Variants in DCHS2 observed in about 807,000 individuals in gnomAD.
DCHS2 encodes the protein protocadherin-23.
Under a neutral mutation model 182.4 loss-of-function variants are expected in DCHS2, and 142 were observed. The ratio of observed to expected loss-of-function variants is 0.78; its 90% confidence interval spans 0.68 to 0.89. DCHS2 has a LOEUF of 0.89. Among genes scored for constraint, DCHS2 ranks in the 40% least tolerant of loss-of-function variants. DCHS2 has a pLI of 0.00. For missense variants in DCHS2, 4,319 were observed against 4,198.6 expected, an observed-to-expected ratio of 1.03 and a Z score of -0.79; for synonymous variants, 1,740 against 1,663.3, an observed-to-expected ratio of 1.05 and a Z score of -1.12.
intron 2 of DCHS2, among the ~76,000 whole-genome samples, chr4:154,374,939 C>T (rs1470874846): frequency 6.6e-6 from 1 of 152,056 alleles, no homozygotes; most frequent in African/African-American, 2.4e-5. Flanking sequence ...AAATTGAACA[C>T]GTTGTTTCTA....
At chr4:154,267,332 A>G (rs554097100) in intron 14 of DCHS2, among the ~76,000 whole-genome samples, 4 of 152,196 alleles carry the variant, frequency 2.6e-5, no homozygotes, top group Non-Finnish European at 2.9e-5. Flanking sequence ...TTTGGAGGTA[A>G]AAATACAACC....
At chr4:154,471,613 G>A (rs564901146) in intron 1 of DCHS2, among the ~76,000 whole-genome samples, 1 of 152,022 alleles carries the variant, frequency 6.6e-6, no homozygotes, top group African/African-American at 2.4e-5. Flanking sequence ...AGACACATAT[G>A]CACAATCCTA....
chr4:154,258,367 C>CTTTTTTTTTTTTTTTTT (rs771510956), intron 15 of DCHS2, among the ~76,000 whole-genome samples: 3 of 58,850 alleles, frequency 5.1e-5, no homozygotes, highest in Non-Finnish European at 8.6e-5. Flanking sequence ...AAAAGAAAGG[C>CTTTTTTTTTTTTTTTTT]TTTTTTTTTT....
intron 1 of DCHS2, among the ~76,000 whole-genome samples, chr4:154,408,319 T>C (rs1732482539): frequency 6.6e-6 from 1 of 152,182 alleles, no homozygotes; most frequent in East Asian, 1.9e-4. Flanking sequence ...CAGAGCTATA[T>C]TTAATGAGCA....
At chr4:154,281,226 A>C (rs1734130368) in intron 13 of DCHS2, among the ~76,000 whole-genome samples, 1 of 152,180 alleles carries the variant, frequency 6.6e-6, no homozygotes, top group Non-Finnish European at 1.5e-5. Flanking sequence ...ATGCATGCAA[A>C]CTAAAAAGAA....
intron 1 of DCHS2, among the ~76,000 whole-genome samples, chr4:154,472,710 A>G (rs139111343): frequency 3.3e-5 from 5 of 152,236 alleles, no homozygotes; most frequent in African/African-American, 1.2e-4. Flanking sequence ...TTGGATATGA[A>G]AACCCATATT....
chr4:154,373,093 T>A (rs927701481), intron 2 of DCHS2, among the ~76,000 whole-genome samples: 27 of 152,184 alleles, frequency 1.8e-4, no homozygotes, highest in Admixed American at 1.2e-3. Flanking sequence ...CAAGGTTCAG[T>A]TTATTGGTTT....
intron 19 of DCHS2, chr4:154,237,362 C>T (rs1217826921): frequency 2.9e-6 from 2 of 692,316 alleles, no homozygotes; most frequent in Non-Finnish European, 4.2e-6. Context: ...AAATAATATT[C>T]ATGACATTCA....
At position 154,335,123 on chromosome 4, in the gene DCHS2, A is replaced by G; in HGVS notation, c.2477-19T>C. ...ATAATTCCTGGGTAGGGAAAAGAAA[A>G]CATTGGTAAACAGATAACATGTAAT... On this transcript the variant is annotated intron_variant, in intron 3 of 19. Coordinates refer to ENST00000357232, the MANE Select transcript of DCHS2 (RefSeq NM_001358235.2). The G allele has an allele frequency of 7.0e-7, 1 of 1,430,780 alleles. No homozygotes were observed. The highest frequency in any genetic ancestry group is 1.1e-5 in the South Asian group (1 of 87,290). 88.6% of individuals were successfully genotyped at this position (1,430,780 alleles called of 1,614,324 possible).
At chr4:154,375,177 GAA>G (rs1011569887) in intron 2 of DCHS2, among the ~76,000 whole-genome samples, 2 of 151,880 alleles carry the variant, frequency 1.3e-5, no homozygotes, top group African/African-American at 4.8e-5. Context: ...CCACTAGATT[GAA>G]AAAAAGTAAG....
chr4:154,472,519 C>G (rs1735513009), intron 1 of DCHS2, among the ~76,000 whole-genome samples: 1 of 152,084 alleles, frequency 6.6e-6, no homozygotes, highest in South Asian at 2.1e-4. Flanking sequence ...TTAGAAAGTC[C>G]TCATTTTTCC....
In DCHS2 at chr4:154,245,305, C is replaced by A. The variant is rs78259956; in HGVS notation, c.6942-2533G>T. ...GTTGCCCTGATTACTATTATCACTA[C>A]AGACAATAAATGAAACTGACCAGAT... On this transcript the variant is annotated intron_variant, in intron 16 of 19. Coordinates refer to ENST00000357232, the MANE Select transcript of DCHS2 (RefSeq NM_001358235.2). 3.8e-3 allele frequency among the ~76,000 whole-genome samples: 577 copies of A among 152,304 alleles called. 6 individuals are homozygous for A. Among genetic ancestry groups the A allele is most frequent in the African/African-American group, 0.013 (544 of 41,568 alleles).
chr4:154,471,146 G>C (rs1188201319), intron 1 of DCHS2, among the ~76,000 whole-genome samples: 29 of 152,250 alleles, frequency 1.9e-4, no homozygotes, highest in African/African-American at 6.7e-4. Context: ...TGCCATGTGG[G>C]TTCAGGACAA....
In DCHS2 at chr4:154,490,579, C is replaced by T; in HGVS notation, c.777G>A (p.Ala259=). 2 of 1,544,422 alleles carry T rather than the reference C, an allele frequency of 1.3e-6. No homozygotes were observed. Among genetic ancestry groups the T allele is most frequent in the Admixed American group, 3.9e-5 (2 of 50,934 alleles). Residue 259 remains alanine (A), a synonymous_variant, in exon 1 of 20, where the codon GCG becomes GCA. Coordinates refer to ENST00000357232, the MANE Select transcript of DCHS2 (RefSeq NM_001358235.2). ...VLLRRLDREE[A]AAHRLQIEAW... is the part of the protein sequence containing the mutation. The stretch of plus-strand genomic sequence containing the variant: ...CCTCGATCTGCAGCCGGTGCGCCGC[C>T]GCCTCCTCTCGGTCCAAGCGCCGCA...
chr4:154,311,806 C>G (rs1268972542), intron 10 of DCHS2, among the ~76,000 whole-genome samples: 1 of 151,884 alleles, frequency 6.6e-6, no homozygotes, highest in Admixed American at 6.6e-5. Flanking sequence ...GTGCTGAATC[C>G]AGGAGAAGTT....
chr4:154,268,976 G>A (rs1213074443), intron 14 of DCHS2: 1 of 152,098 alleles, frequency 6.6e-6, no homozygotes, highest in Non-Finnish European at 1.5e-5. Flanking sequence ...ATTTTAATCT[G>A]GGCTGCTTTC....
intron 3 of DCHS2, chr4:154,343,779 T>G: frequency 1.1e-6 from 1 of 952,230 alleles, no homozygotes; most frequent in Non-Finnish European, 1.4e-6. Context: ...TTCTTATCAT[T>G]TTTCTGTTCA....
chr4:154,443,265 C>A (rs1317881490), intron 1 of DCHS2, among the ~76,000 whole-genome samples: 2 of 152,186 alleles, frequency 1.3e-5, no homozygotes, highest in East Asian at 1.9e-4. Flanking sequence ...GTTACACTGG[C>A]TCATCTCCCT....
chr4:154,417,190 TGTGTGTGTGTGTGTGAGAGAGA>T (rs1289986737), intron 1 of DCHS2, among the ~76,000 whole-genome samples: 39 of 109,566 alleles, frequency 3.6e-4, no homozygotes, highest in Middle Eastern at 8.8e-3. Context: ...TGTGTGTGTG[TGTGTGTGTGTGTGTGAGAGAGA>T]GAGAGAGAGA....
Sources: allele counts gnomAD v4.1 joint callset (sites outside exome capture counted in the v4.1 genomes callset), GRCh38; gene constraint gnomAD v4.1.1; transcripts MANE v1.5; gene names NCBI Gene and HGNC (gene_info 2026-07-23, HGNC 2026-07-21).